Variants in TUBGCP3 observed in about 807,000 individuals in gnomAD.
The protein encoded by TUBGCP3 is tubulin gamma complex component 3.
Under a neutral mutation model 123.1 loss-of-function variants are expected in TUBGCP3, and 50 were observed. That is an observed-to-expected ratio of 0.41 (90% CI 0.32 to 0.51). The LOEUF is 0.51. TUBGCP3 is among the 20% of genes least tolerant of loss of function. TUBGCP3 has a pLI of 0.36. For synonymous variants in TUBGCP3, 405 were observed against 413.9 expected (o/e 0.98, Z 0.26); for missense variants, 882 against 1,127.0 (o/e 0.78, Z 3.11).
intron 1 of TUBGCP3, among the ~76,000 whole-genome samples, chr13:112,586,890 G>C (rs1377604681): frequency 6.6e-6 from 1 of 152,164 alleles, no homozygotes; most frequent in Admixed American, 6.5e-5. Flanking sequence ...ACTGTGTGAA[G>C]TCACTCATTT....
chr13:112,537,912 AT>A (rs1274659060), intron 11 of TUBGCP3, among the ~76,000 whole-genome samples: 1 of 152,210 alleles, frequency 6.6e-6, no homozygotes, highest in African/African-American at 2.4e-5. Context: ...CTATCTAGAA[AT>A]GTCTTGATTT....
At chr13:112,518,779 G>C (rs1204026790) in intron 16 of TUBGCP3, among the ~76,000 whole-genome samples, 196 bp downstream of exon 16, 1 of 152,198 alleles carries the variant, frequency 6.6e-6, no homozygotes, top group African/African-American at 2.4e-5. Context: ...TAAAATAATA[G>C]AGCATTTCAG....
chr13:112,515,307 T>C (rs921031819), intron 17 of TUBGCP3, among the ~76,000 whole-genome samples: 6 of 152,196 alleles, frequency 3.9e-5, no homozygotes, highest in Non-Finnish European at 5.9e-5. Flanking sequence ...CGGTTTGGCC[T>C]TGAATTGGTC....
chr13:112,560,302 C>T lies in TUBGCP3; in HGVS notation c.253-903G>A, dbSNP rs921507419. On this transcript the variant is annotated intron_variant, in intron 3 of 21. Transcript: ENST00000261965. Reference sequence around the variant, plus strand: ...AAAATTAGCTGGGCGTAGTGGCGGGCGCCTGTAGTCCCAGCTACTTGGGAG... The same window carrying T: ...AAAATTAGCTGGGCGTAGTGGCGGGTGCCTGTAGTCCCAGCTACTTGGGAG... Among the ~76,000 whole-genome samples, 13 of 150,694 alleles carry T rather than the reference C, an allele frequency of 8.6e-5. No individual in the cohort carries two copies. In the East Asian group the frequency reaches 9.8e-4, roughly 11 times the overall value.
chr13:112,504,499 AAG>A, intron 18 of TUBGCP3, 125 bp downstream of exon 18: 3 of 662,464 alleles, frequency 4.5e-6, no homozygotes, highest in Non-Finnish European at 2.3e-6. Flanking sequence ...AAAAAAAAAA[AAG>A]AAAAAATTAT....
intron 1 of TUBGCP3, among the ~76,000 whole-genome samples, chr13:112,572,013 C>T (rs899047489): frequency 1.8e-4 from 28 of 152,222 alleles, no homozygotes; most frequent in African/African-American, 6.5e-4. Flanking sequence ...CCAGACCACT[C>T]AAACTTTCTC....
At chr13:112,498,939 G>A (rs1318521467) in intron 20 of TUBGCP3, 106 bp downstream of exon 20, 1 of 1,614,006 alleles carries the variant, frequency 6.2e-7, no homozygotes, top group Non-Finnish European at 8.5e-7. Flanking sequence ...ATCTCAACCT[G>A]TCTGACAATT....
intron 10 of TUBGCP3, chr13:112,546,472 A>C (rs1345755902): frequency 6.6e-6 from 1 of 152,394 alleles, no homozygotes; most frequent in African/African-American, 2.4e-5. Flanking sequence ...GCACATGAAG[A>C]GTTCTTATGT....
intron 11 of TUBGCP3, among the ~76,000 whole-genome samples, chr13:112,535,966 A>G (rs914534787): frequency 6.6e-6 from 1 of 152,230 alleles, no homozygotes; most frequent in African/African-American, 2.4e-5. Context: ...AGAGATCCCA[A>G]TGCATTCTTC....
chr13:112,596,009 T>G, the TUBGCP3 span, among the ~76,000 whole-genome samples: 31 of 152,342 alleles, frequency 2.0e-4, no homozygotes, highest in African/African-American at 7.2e-4. Flanking sequence ...ACATAACTTA[T>G]TTCTGTCTAC....
chr13:112,586,357 A>C (rs1882609458), intron 1 of TUBGCP3, among the ~76,000 whole-genome samples: 1 of 152,246 alleles, frequency 6.6e-6, no homozygotes, highest in South Asian at 2.1e-4. Flanking sequence ...CCTAGAAAAA[A>C]AAACTCTGGA....
intron 13 of TUBGCP3, among the ~76,000 whole-genome samples, chr13:112,526,505 C>T (rs1275928570): frequency 1.3e-5 from 2 of 149,942 alleles, no homozygotes; most frequent in Admixed American, 1.3e-4. Flanking sequence ...TCACCATCAA[C>T]ATCACCACCA....
At chr13:112,547,826 T>C (rs891663865) in intron 9 of TUBGCP3, 74 bp from the exon 10 acceptor site, 2 of 1,349,712 alleles carry the variant, frequency 1.5e-6, no homozygotes, top group African/African-American at 2.9e-5. Flanking sequence ...CTATATCAAG[T>C]GAACATAAGA....
At chr13:112,486,282 CACCA>C in intron 21 of TUBGCP3, 131 bp from the exon 22 acceptor site, 5 of 1,146,238 alleles carry the variant, frequency 4.4e-6, no homozygotes, top group South Asian at 1.6e-5. Flanking sequence ...AGTAAATGCC[CACCA>C]GGGCAGGTGT....
the TUBGCP3 span, among the ~76,000 whole-genome samples, chr13:112,593,735 C>T: frequency 6.6e-6 from 1 of 151,522 alleles, no homozygotes; most frequent in African/African-American, 2.4e-5. Flanking sequence ...AAGACAAATA[C>T]GGAAAACAGA....
chr13:112,538,544 T>A (rs900553395), intron 11 of TUBGCP3, among the ~76,000 whole-genome samples: 1 of 152,216 alleles, frequency 6.6e-6, no homozygotes, highest in Admixed American at 6.5e-5. Context: ...TTGCTGACTT[T>A]CTTCTCCCTG....
chr13:112,504,849 A>G (rs1881183991), intron 17 of TUBGCP3, 135 bp from the exon 18 acceptor site: 1 of 710,098 alleles, frequency 1.4e-6, no homozygotes. Flanking sequence ...TTAACAGGAA[A>G]CAACCTCTCC....
chr13:112,553,811 C>G (rs1163414893), intron 8 of TUBGCP3, among the ~76,000 whole-genome samples: 1 of 152,236 alleles, frequency 6.6e-6, no homozygotes, highest in Non-Finnish European at 1.5e-5. Flanking sequence ...ATGGCCAGCT[C>G]TGTCTCACCA....
At chr13:112,601,557 T>C in the TUBGCP3 span, among the ~76,000 whole-genome samples, 1 of 152,170 alleles carries the variant, frequency 6.6e-6, no homozygotes, top group Non-Finnish European at 1.5e-5. Context: ...TTCGCCCAGG[T>C]GGCCTGTGAC....
Sources: allele counts gnomAD v4.1 joint callset (sites outside exome capture counted in the v4.1 genomes callset), GRCh38; gene constraint gnomAD v4.1.1; transcripts MANE v1.5; gene names NCBI Gene and HGNC (gene_info 2026-07-23, HGNC 2026-07-21).